Variants in RAI14 observed in about 807,000 individuals in gnomAD.
RAI14 encodes the protein ankycorbin.
In RAI14, 45 loss-of-function variants were observed where a neutral mutation model predicts 115.4. The ratio of observed to expected loss-of-function variants is 0.39; its 90% CI spans 0.31 to 0.50. The LOEUF (loss-of-function observed/expected upper bound fraction) is 0.50, where lower values mean the gene tolerates loss of function less well. Ranked by LOEUF, RAI14 falls within the 20% of genes least tolerant of loss-of-function variation. The pLI, the probability that RAI14 is intolerant of heterozygous loss-of-function variation, is 0.85. For synonymous variants in RAI14, 371 were observed against 415.4 expected, an observed-to-expected ratio of 0.89 and a Z score of 1.30; for missense variants, 939 against 1,131.2, an observed-to-expected ratio of 0.83 and a Z score of 2.44.
intron 3 of RAI14, among the ~76,000 whole-genome samples, chr5:34,783,005 C>T (rs952609246): frequency 1.3e-5 from 2 of 152,124 alleles, no homozygotes; most frequent in African/African-American, 4.8e-5. Flanking sequence ...ATTATAGGAG[C>T]AGATTTATAA....
intron 3 of RAI14, among the ~76,000 whole-genome samples, chr5:34,758,258 T>C (rs1166160426): frequency 6.6e-6 from 1 of 152,262 alleles, no homozygotes; most frequent in South Asian, 2.1e-4. Flanking sequence ...ATTAGTTAAC[T>C]GTTAGAGTAG....
At chr5:34,698,006 T>C (rs1487718834) in intron 2 of RAI14, among the ~76,000 whole-genome samples, 2 of 151,730 alleles carry the variant, frequency 1.3e-5, no homozygotes, top group Non-Finnish European at 2.9e-5. Context: ...ATTGGGTTTA[T>C]TGCTGATTCT....
intron 2 of RAI14, among the ~76,000 whole-genome samples, chr5:34,722,572 G>A (rs1018814776): frequency 5.3e-5 from 8 of 152,148 alleles, no homozygotes; most frequent in Non-Finnish European, 7.3e-5. Flanking sequence ...TCTGCCAGGC[G>A]TGATGGCTCA....
At chr5:34,728,006 C>T (rs984345386) in intron 2 of RAI14, among the ~76,000 whole-genome samples, 1 of 152,228 alleles carries the variant, frequency 6.6e-6, no homozygotes, top group African/African-American at 2.4e-5. Flanking sequence ...AAGCCACAGA[C>T]ACTCAATGCC....
At chr5:34,777,122 C>A (rs1174132057) in intron 3 of RAI14, among the ~76,000 whole-genome samples, 1 of 151,858 alleles carries the variant, frequency 6.6e-6, no homozygotes, top group Non-Finnish European at 1.5e-5. Context: ...GCCAAGATTG[C>A]ACCATTGCAC....
At chr5:34,761,169 C>T (rs766072062) in intron 3 of RAI14, among the ~76,000 whole-genome samples, 1 of 152,126 alleles carries the variant, frequency 6.6e-6, no homozygotes, top group Non-Finnish European at 1.5e-5. Flanking sequence ...CATAACACAG[C>T]TCTTCCTGAA....
At chr5:34,715,516 T>C (rs1398719095) in intron 2 of RAI14, among the ~76,000 whole-genome samples, 1 of 152,206 alleles carries the variant, frequency 6.6e-6, no homozygotes, top group African/African-American at 2.4e-5. Context: ...TGAACCACTC[T>C]GTATTATTCC....
intron 2 of RAI14, among the ~76,000 whole-genome samples, chr5:34,730,811 A>T (rs894473556): frequency 2.6e-5 from 4 of 152,034 alleles, no homozygotes; most frequent in African/African-American, 9.7e-5. Context: ...GGTGAAACCT[A>T]ATCTCTACTA....
chr5:34,705,847 A>G (rs1740643847), intron 2 of RAI14, among the ~76,000 whole-genome samples: 1 of 152,050 alleles, frequency 6.6e-6, no homozygotes, highest in South Asian at 2.1e-4. Context: ...GGGTTTCTCC[A>G]TGTTGGTCAG....
At chr5:34,783,793 G>GA (rs1751957369) in intron 3 of RAI14, among the ~76,000 whole-genome samples, 1 of 152,192 alleles carries the variant, frequency 6.6e-6, no homozygotes, top group African/African-American at 2.4e-5. Context: ...TCCATATAGA[G>GA]AAAAATGTAG....
intron 3 of RAI14, among the ~76,000 whole-genome samples, chr5:34,779,902 T>C (rs1276768693): frequency 2.6e-5 from 4 of 152,118 alleles, no homozygotes; most frequent in Non-Finnish European, 5.9e-5. Context: ...AAAAAGAGCC[T>C]GCATTGCCAA....
intron 2 of RAI14, among the ~76,000 whole-genome samples, chr5:34,692,264 TA>T (rs138346360): frequency 0.46 from 68,103 of 148,514 alleles, 17,385 homozygotes; most frequent in South Asian, 0.64. Flanking sequence ...CTCCGTCTGT[TA>T]AAAAAAAAAT....
At chr5:34,698,489 A>G (rs1331429613) in intron 2 of RAI14, among the ~76,000 whole-genome samples, 2 of 152,028 alleles carry the variant, frequency 1.3e-5, no homozygotes, top group Non-Finnish European at 2.9e-5. Flanking sequence ...AGGCAGTGCC[A>G]GGTTTGTGCC....
At chr5:34,802,342 G>A (rs769717302) in intron 4 of RAI14, among the ~76,000 whole-genome samples, 4 of 152,136 alleles carry the variant, frequency 2.6e-5, no homozygotes, top group Non-Finnish European at 4.4e-5. Flanking sequence ...AAGCAGGGTC[G>A]GGCCTGGTTA....
intron 5 of RAI14, among the ~76,000 whole-genome samples, chr5:34,805,433 T>G (rs1027373744): frequency 1.3e-5 from 2 of 152,210 alleles, no homozygotes; most frequent in Non-Finnish European, 2.9e-5. Flanking sequence ...CTCCAGGCTT[T>G]TGCTCTTATT....
At chr5:34,803,359 G>A (rs1216913968) in intron 4 of RAI14, among the ~76,000 whole-genome samples, 4 of 152,090 alleles carry the variant, frequency 2.6e-5, no homozygotes, top group Admixed American at 6.6e-5. Flanking sequence ...ATCAGCTTGC[G>A]CAACGTGGCG....
intron 2 of RAI14, among the ~76,000 whole-genome samples, chr5:34,717,498 CG>C (rs1354472726): frequency 1.3e-5 from 2 of 151,956 alleles, no homozygotes; most frequent in South Asian, 2.1e-4. Context: ...CCATTTTGGG[CG>C]GGGGGGAATC....
chr5:34,717,505 G>T (rs374058948), intron 2 of RAI14, among the ~76,000 whole-genome samples: 10 of 152,326 alleles, frequency 6.6e-5, no homozygotes, highest in African/African-American at 2.2e-4. Flanking sequence ...GGGCGGGGGG[G>T]AATCCTTGTG....
intron 2 of RAI14, among the ~76,000 whole-genome samples, chr5:34,752,285 A>C (rs1402664081): frequency 5.9e-5 from 9 of 152,236 alleles, no homozygotes; most frequent in Non-Finnish European, 1.0e-4. Flanking sequence ...GTAAATGAAA[A>C]AACAAATATT....
Sources: gnomAD v4.1 joint callset for allele counts (sites outside exome capture counted in the v4.1 genomes callset) on GRCh38, gnomAD v4.1.1 for gene constraint, MANE v1.5 for transcripts, NCBI Gene and HGNC (gene_info 2026-07-23, HGNC 2026-07-21) for gene names.